IL1RAPL2: variants seen among roughly 807,000 people sequenced by gnomAD.
The protein encoded by IL1RAPL2 is X-linked interleukin-1 receptor accessory protein-like 2.
A neutral mutation model predicts 44.1 loss-of-function variants in IL1RAPL2; 3 were observed. The ratio of observed to expected loss-of-function variants is 0.07; its 90% CI spans 0.03 to 0.18. IL1RAPL2 has a LOEUF of 0.18. IL1RAPL2 is among the 10% of genes least tolerant of loss of function. The pLI is 1.00. For missense variants in IL1RAPL2, 391 were observed against 496.4 expected, an observed-to-expected ratio of 0.79 and a Z score of 2.02; for synonymous variants, 181 against 178.8, an observed-to-expected ratio of 1.01 and a Z score of -0.10.
chrX:105,624,551 G>T (rs1406946751), intron 6 of IL1RAPL2, among the ~76,000 whole-genome samples: 1 of 111,540 alleles, frequency 9.0e-6, no homozygotes, highest in South Asian at 3.7e-4. Context: ...TATAATCAGA[G>T]ATCATCTATA....
At chrX:105,250,022 T>C (rs73517465) in intron 4 of IL1RAPL2, among the ~76,000 whole-genome samples, 8,993 of 110,719 alleles carry the variant, frequency 0.081, 936 homozygotes, top group African/African-American at 0.28. Flanking sequence ...ATTATTCAGA[T>C]ATGAGAAAAA....
chrX:104,794,186 T>C (rs927622299), intron 2 of IL1RAPL2, among the ~76,000 whole-genome samples: 9 of 112,168 alleles, frequency 8.0e-5, no homozygotes, highest in Non-Finnish European at 1.5e-4. Flanking sequence ...TCTGTACTTT[T>C]CAGGAGTTTG....
chrX:105,118,394 A>G (rs1399717259), intron 2 of IL1RAPL2, among the ~76,000 whole-genome samples: 1 of 112,354 alleles, frequency 8.9e-6, no homozygotes, highest in Non-Finnish European at 1.9e-5. Flanking sequence ...ACTCTTCTGT[A>G]TTCTTGGCTC....
At chrX:105,216,195 G>A (rs1388016134) in intron 3 of IL1RAPL2, among the ~76,000 whole-genome samples, 1 of 111,237 alleles carries the variant, frequency 9.0e-6, no homozygotes, top group African/African-American at 3.3e-5. Context: ...CGACATGATT[G>A]TACATTTAGA....
In IL1RAPL2 at chrX:104,835,963, A is replaced by AT. The variant is rs773660281; in HGVS notation, c.82+176970dup. ...ATGTTACTGTTTATCAAGATGTGAC[A>AT]TTAAAGGGTCAGCTGAAAGGGGCTA... is the stretch of plus-strand genomic sequence containing the variant. On this transcript the variant is annotated intron_variant, in intron 2 of 10. Transcript: ENST00000372582. Among the ~76,000 whole-genome samples the AT allele has an allele frequency of 2.1e-4, 24 of 112,111 alleles. No individual in the cohort carries two copies. In the Admixed American group the frequency reaches 2.2e-3, roughly 10 times the overall value.
intron 5 of IL1RAPL2, among the ~76,000 whole-genome samples, chrX:105,391,678 A>T (rs1397650447): frequency 1.1e-5 from 1 of 91,659 alleles, no homozygotes; most frequent in East Asian, 3.4e-4. Context: ...TCATGCTGCT[A>T]TAAAGACACA....
At chrX:105,101,434 C>G (rs2032669785) in intron 2 of IL1RAPL2, among the ~76,000 whole-genome samples, 1 of 111,744 alleles carries the variant, frequency 8.9e-6, no homozygotes, top group Non-Finnish European at 1.9e-5. Context: ...TAATTAGCCC[C>G]ATTTTAGAAT....
chrX:105,624,657 G>C (rs2037441371), intron 6 of IL1RAPL2, among the ~76,000 whole-genome samples: 1 of 111,253 alleles, frequency 9.0e-6, no homozygotes, highest in African/African-American at 3.3e-5. Flanking sequence ...GAGTAGGGTT[G>C]GTAATTATTA....
Position 104,954,533 on chromosome X carries a change from CTTTTCTTT to C in IL1RAPL2, c.83-240930_83-240923del, listed in dbSNP as rs201483725. ...CTTTTATTTTCTTTTTCCTTTCTTT[CTTTTCTTT>C]TTTTCTTTTTTCTTTTTGGAGACAG... On this transcript the variant is annotated intron_variant, in intron 2 of 10. Transcript: ENST00000372582. Among the ~76,000 whole-genome samples, 1,049 of 111,865 alleles carry C rather than the reference CTTTTCTTT, an allele frequency of 9.4e-3. 13 individuals carry two copies. Among genetic ancestry groups the C allele is most frequent in the African/African-American group, 0.032 (990 of 30,836 alleles).
chrX:104,745,728 A>G (rs1377501770), intron 2 of IL1RAPL2, among the ~76,000 whole-genome samples: 2 of 111,925 alleles, frequency 1.8e-5, no homozygotes, highest in African/African-American at 6.5e-5. Flanking sequence ...AGGAAATCCC[A>G]AATAAGGCAA....
At position 105,596,724 on chromosome X, in the gene IL1RAPL2, G is replaced by A. The variant is rs1354963005; in HGVS notation, c.772+112337G>A. Among the ~76,000 whole-genome samples the A allele has an allele frequency of 3.6e-5, 4 of 111,731 alleles. No individual in the cohort carries two copies. The East Asian group carries it at 1.1e-3, about 31-fold the overall frequency. Reference sequence around the variant, plus strand: ...AGCTCAAGTTGAATGTTCAAGTCCAGAGAATGGATATTCTGTCTGGATGAT... The same window carrying A: ...AGCTCAAGTTGAATGTTCAAGTCCAAAGAATGGATATTCTGTCTGGATGAT... On this transcript the variant is annotated intron_variant, in intron 6 of 10. Transcript: ENST00000372582.
At chrX:105,079,077 C>G (rs1479130588) in intron 2 of IL1RAPL2, among the ~76,000 whole-genome samples, 1 of 112,160 alleles carries the variant, frequency 8.9e-6, no homozygotes, top group Non-Finnish European at 1.9e-5. Flanking sequence ...GAGATGAACG[C>G]GGTACCTCAG....
At chrX:104,851,839 A>G (rs1226503189) in intron 2 of IL1RAPL2, among the ~76,000 whole-genome samples, 2 of 111,762 alleles carry the variant, frequency 1.8e-5, no homozygotes, top group African/African-American at 6.5e-5. Flanking sequence ...GATGCATGCA[A>G]AGAAGGAACC....
chrX:105,045,035 A>G (rs1426674394), intron 2 of IL1RAPL2, among the ~76,000 whole-genome samples: 2 of 111,602 alleles, frequency 1.8e-5, no homozygotes, highest in Admixed American at 1.9e-4. Flanking sequence ...GCCTGATAGC[A>G]TGCTGACAAC....
chrX:104,797,992 A>G (rs1932861373), intron 2 of IL1RAPL2, among the ~76,000 whole-genome samples: 1 of 111,810 alleles, frequency 8.9e-6, no homozygotes, highest in Admixed American at 9.5e-5. Flanking sequence ...ATGAGTCTTC[A>G]TTTTAGAGCC....
intron 5 of IL1RAPL2, among the ~76,000 whole-genome samples, chrX:105,378,437 T>G (rs1236073904): frequency 2.7e-5 from 3 of 111,620 alleles, no homozygotes; most frequent in Non-Finnish European, 5.7e-5. Context: ...ATCCAATATT[T>G]TGGTGGGTCA....
intron 2 of IL1RAPL2, among the ~76,000 whole-genome samples, chrX:104,864,609 A>G (rs1453821371): frequency 9.0e-6 from 1 of 111,239 alleles, no homozygotes; most frequent in Non-Finnish European, 1.9e-5. Context: ...GCCAAAGGAG[A>G]TTTACATTTG....
intron 2 of IL1RAPL2, among the ~76,000 whole-genome samples, chrX:105,162,557 G>A (rs1435362726): frequency 8.9e-6 from 1 of 111,828 alleles, no homozygotes; most frequent in Non-Finnish European, 1.9e-5. Context: ...TCATGTAACT[G>A]AATTATTATA....
intron 2 of IL1RAPL2, among the ~76,000 whole-genome samples, chrX:105,075,742 G>A (rs1385990200): frequency 2.7e-5 from 3 of 111,923 alleles, no homozygotes; most frequent in African/African-American, 9.7e-5. Flanking sequence ...TCTATTCAGA[G>A]ATTCAACTTC....
Sources: allele counts gnomAD v4.1 joint callset (sites outside exome capture counted in the v4.1 genomes callset), GRCh38; gene constraint gnomAD v4.1.1; transcripts MANE v1.5; gene names NCBI Gene and HGNC (gene_info 2026-07-23, HGNC 2026-07-21).